Variants in HOOK1 observed in about 807,000 individuals in gnomAD.
HOOK1 encodes the protein hook microtubule tethering protein 1.
A neutral mutation model predicts 112.8 loss-of-function variants in HOOK1; 60 were observed. The ratio of observed to expected loss-of-function variants is 0.53; its 90% CI spans 0.43 to 0.66. The LOEUF (loss-of-function observed/expected upper bound fraction) is 0.66. HOOK1 is among the 30% of genes least tolerant of loss of function. The pLI is 0.00. For synonymous variants in HOOK1, 294 were observed against 283.8 expected (o/e 1.04, Z -0.36); for missense variants, 770 against 856.0 (o/e 0.90, Z 1.25).
chr1:59,837,709 ATTATAC>A (rs1309959765), intron 7 of HOOK1, among the ~76,000 whole-genome samples: 1 of 152,066 alleles, frequency 6.6e-6, no homozygotes, highest in African/African-American at 2.4e-5. Context: ...TTTTATTATT[ATTATAC>A]TTTAAGTTCT....
chr1:59,824,355 A>G (rs925197151), intron 2 of HOOK1, among the ~76,000 whole-genome samples: 1 of 151,884 alleles, frequency 6.6e-6, no homozygotes, highest in African/African-American at 2.4e-5. Flanking sequence ...TTACAGGCGC[A>G]TGCCACCATG....
chr1:59,858,632 G>A (rs2098411922), intron 13 of HOOK1, 117 bp downstream of exon 13: 1 of 707,070 alleles, frequency 1.4e-6, no homozygotes, highest in Non-Finnish European at 2.5e-6. Flanking sequence ...CTAGCTCTGG[G>A]AGGCTGAGGC....
intron 15 of HOOK1, among the ~76,000 whole-genome samples, chr1:59,861,837 A>G (rs2098413773): frequency 6.6e-6 from 1 of 152,206 alleles, no homozygotes; most frequent in African/African-American, 2.4e-5. Context: ...ACATACTTGA[A>G]TCTTACCTTT....
At chr1:59,855,943 TATATATATATATATATAAA>T (rs1559057915) in intron 12 of HOOK1, among the ~76,000 whole-genome samples, 104 of 32,326 alleles carry the variant, frequency 3.2e-3, no homozygotes, top group African/African-American at 6.4e-3. Context: ...CCAGCTAATT[TATATATATATATATATAAA>T]TTATTATATA....
chr1:59,855,370 T>A lies in HOOK1; in HGVS notation c.1243-3058T>A, dbSNP rs562521948. On this transcript the variant is annotated intron_variant, in intron 12 of 21. Coordinates refer to ENST00000371208, the MANE Select transcript of HOOK1 (RefSeq NM_015888.6). ...GTTCTCATCATTTAGCTTCCACTTG[T>A]GAGAACACGTGGTATTTGGTTTTCT... Among the ~76,000 whole-genome samples, 6 of 152,316 alleles carry A rather than the reference T, an allele frequency of 3.9e-5. No individual in the cohort carries two copies. The East Asian group carries it at 1.2e-3, about 29-fold the overall frequency.
chr1:59,830,601 C>T (rs1028702883), intron 3 of HOOK1, among the ~76,000 whole-genome samples: 1 of 152,052 alleles, frequency 6.6e-6, no homozygotes, highest in African/African-American at 2.4e-5. Context: ...TTCATGTAGA[C>T]ACCTAATAGT....
chr1:59,875,401 T>A lies in HOOK1; in HGVS notation c.*2436T>A, dbSNP rs886781136. ...ATATAAGACTAATGTAATTTAAAGT[T>A]CTGTATTATTGTGATTAATCATACA... On this transcript the variant is annotated 3_prime_UTR_variant, in exon 22 of 22. Coordinates refer to ENST00000371208, the MANE Select transcript of HOOK1 (RefSeq NM_015888.6). 2 of 152,634 alleles carry A rather than the reference T, an allele frequency of 1.3e-5. No individual in the cohort carries two copies. Among genetic ancestry groups the A allele is most frequent in the Non-Finnish European group, 2.9e-5 (2 of 67,998 alleles). 9.5% of individuals were successfully genotyped at this position (152,634 alleles called of 1,614,324 possible).
chr1:59,835,096 A>G (rs908957337), intron 5 of HOOK1, among the ~76,000 whole-genome samples: 2 of 152,174 alleles, frequency 1.3e-5, no homozygotes, highest in African/African-American at 2.4e-5. Context: ...ATTTTGCTGT[A>G]TGAATTGATT....
chr1:59,865,049 G>A (rs1361164257), intron 17 of HOOK1, 114 bp from the exon 18 acceptor site: 1 of 691,692 alleles, frequency 1.4e-6, no homozygotes, highest in Non-Finnish European at 2.6e-6. Flanking sequence ...CTGCAGTCAT[G>A]CAGATAGTAT....
chr1:59,822,066 A>G, intron 2 of HOOK1, 123 bp downstream of exon 2: 1 of 742,438 alleles, frequency 1.3e-6, no homozygotes, highest in South Asian at 1.6e-5. Context: ...ATATTCAGGA[A>G]TATGGCACCA....
intron 5 of HOOK1, among the ~76,000 whole-genome samples, chr1:59,835,022 G>T (rs1191863045): frequency 6.6e-6 from 1 of 151,942 alleles, no homozygotes; most frequent in Non-Finnish European, 1.5e-5. Flanking sequence ...GAGCAATTTT[G>T]TCCAGTTTTA....
intron 3 of HOOK1, among the ~76,000 whole-genome samples, chr1:59,829,618 C>A (rs1038244160): frequency 1.3e-5 from 2 of 151,900 alleles, no homozygotes; most frequent in African/African-American, 4.8e-5. Flanking sequence ...ATGATGTTTC[C>A]TTTTCTTTTC....
chr1:59,873,760 T>TATATATAC lies in HOOK1; in HGVS notation c.*800_*801insTACATATA, dbSNP rs1644093686. 1.4e-5 allele frequency: 2 copies of TATATATAC among 144,110 alleles called. No homozygotes were observed. Among genetic ancestry groups the TATATATAC allele is most frequent in the Non-Finnish European group, 3.0e-5 (2 of 65,986 alleles). 8.9% of individuals were successfully genotyped at this position (144,110 alleles called of 1,614,324 possible). On this transcript the variant is annotated 3_prime_UTR_variant, in exon 22 of 22. Coordinates refer to ENST00000371208, the MANE Select transcript of HOOK1 (RefSeq NM_015888.6). The stretch of plus-strand genomic sequence containing the variant: ...ATATATATATATATATATATATATA[T>TATATATAC]ATATACTTTTTGTGAAATGTCTATA...
At chr1:59,864,607 C>T in intron 16 of HOOK1, 25 bp from the exon 17 acceptor site, 7 of 1,475,978 alleles carry the variant, frequency 4.7e-6, no homozygotes, top group South Asian at 4.6e-5. Flanking sequence ...AGTCATCTTA[C>T]AGCAATTTTT....
At chr1:59,851,833 T>A (rs2098407318) in intron 12 of HOOK1, among the ~76,000 whole-genome samples, 1 of 151,672 alleles carries the variant, frequency 6.6e-6, no homozygotes, top group Admixed American at 6.6e-5. Context: ...TCTACAAGGT[T>A]GAAGAATTTT....
At chr1:59,832,354 A>G (rs2098394620) in intron 4 of HOOK1, 141 bp downstream of exon 4, 4 of 591,480 alleles carry the variant, frequency 6.8e-6, no homozygotes, top group South Asian at 2.1e-5. Flanking sequence ...TGTCATTTTT[A>G]TAGAATGCTC....
chr1:59,852,954 A>G (rs1332561045), intron 12 of HOOK1, among the ~76,000 whole-genome samples: 1 of 151,858 alleles, frequency 6.6e-6, no homozygotes, highest in East Asian at 1.9e-4. Context: ...TCCTTGTGTC[A>G]TTGATTTATT....
chr1:59,826,080 A>T (rs1165296276), intron 2 of HOOK1, among the ~76,000 whole-genome samples: 1 of 152,208 alleles, frequency 6.6e-6, no homozygotes, highest in Admixed American at 6.5e-5. Context: ...TATAGTAACT[A>T]GTAGGTATTT....
intron 14 of HOOK1, among the ~76,000 whole-genome samples, chr1:59,859,462 A>G (rs1426510669): frequency 6.6e-6 from 1 of 152,052 alleles, no homozygotes; most frequent in East Asian, 1.9e-4. Flanking sequence ...GTCAATCATT[A>G]ACTTAAAATT....
Sources: allele counts gnomAD v4.1 joint callset (sites outside exome capture counted in the v4.1 genomes callset), GRCh38; gene constraint gnomAD v4.1.1; transcripts MANE v1.5; gene names NCBI Gene and HGNC (gene_info 2026-07-23, HGNC 2026-07-21).